DENND1A: variants seen among roughly 807,000 people sequenced by gnomAD.
DENND1A encodes the protein DENN domain-containing protein 1A.
DENND1A carries 51 observed loss-of-function variants against 113.7 expected under a neutral mutation model. The observed-to-expected ratio is 0.45, with a 90% CI of 0.36 to 0.57. The LOEUF (loss-of-function observed/expected upper bound fraction) is 0.57, where lower values mean the gene tolerates loss of function less well. DENND1A is among the 20% of genes least tolerant of loss of function. The probability of loss-of-function intolerance (pLI) is 0.00; values close to 1 mark genes in which losing one functional copy is unlikely to be tolerated. For synonymous variants in DENND1A, 565 were observed against 570.8 expected (o/e 0.99, Z 0.14); for missense variants, 1,258 against 1,395.9 (o/e 0.90, Z 1.57).
At chr9:123,902,804 T>A (rs1588156565) in intron 1 of DENND1A, among the ~76,000 whole-genome samples, 1 of 138,098 alleles carries the variant, frequency 7.2e-6, no homozygotes, top group Non-Finnish European at 1.5e-5. Flanking sequence ...TAACAACAGC[T>A]GTTTTTTTTT....
chr9:123,464,832 T>G (rs1335923578), intron 13 of DENND1A, among the ~76,000 whole-genome samples: 4 of 151,828 alleles, frequency 2.6e-5, no homozygotes, highest in Non-Finnish European at 5.9e-5. Context: ...TGACTTTGTA[T>G]AAGTTTGAAA....
At chr9:123,514,109 T>C (rs1006348600) in intron 13 of DENND1A, among the ~76,000 whole-genome samples, 1 of 54,106 alleles carries the variant, frequency 1.8e-5, no homozygotes, top group African/African-American at 4.1e-5. Context: ...TGTGTGTGTG[T>C]CTGTGTGTGT....
chr9:123,832,533 G>A (rs1283712519), intron 2 of DENND1A, among the ~76,000 whole-genome samples: 1 of 152,078 alleles, frequency 6.6e-6, no homozygotes, highest in African/African-American at 2.4e-5. Context: ...AACAAAAGTG[G>A]GAGTATACAA....
intron 13 of DENND1A, among the ~76,000 whole-genome samples, chr9:123,515,862 T>C (rs2053848250): frequency 6.6e-6 from 1 of 151,332 alleles, no homozygotes; most frequent in South Asian, 2.1e-4. Context: ...AGCCCAGGAG[T>C]TTGAGGCCAG....
At chr9:123,551,337 C>T (rs2057032598) in intron 13 of DENND1A, among the ~76,000 whole-genome samples, 1 of 152,228 alleles carries the variant, frequency 6.6e-6, no homozygotes, top group Non-Finnish European at 1.5e-5. Context: ...TCCCTAATTT[C>T]CTTCACCCAT....
intron 18 of DENND1A, among the ~76,000 whole-genome samples, chr9:123,442,581 G>A (rs1372456599): frequency 3.3e-5 from 5 of 152,002 alleles, no homozygotes; most frequent in African/African-American, 1.2e-4. Flanking sequence ...GTGGGTGTGT[G>A]TGCCTGTTTG....
At chr9:123,698,041 G>A (rs1000111561) in intron 5 of DENND1A, among the ~76,000 whole-genome samples, 2 of 152,138 alleles carry the variant, frequency 1.3e-5, no homozygotes, top group African/African-American at 4.8e-5. Context: ...TAAGGACCGA[G>A]AAGATTTAAC....
chr9:123,532,822 G>A (rs1021569663), intron 13 of DENND1A, among the ~76,000 whole-genome samples: 1 of 152,312 alleles, frequency 6.6e-6, no homozygotes, highest in African/African-American at 2.4e-5. Flanking sequence ...TCACCAGACA[G>A]TTGTTTTTAG....
intron 1 of DENND1A, among the ~76,000 whole-genome samples, chr9:123,924,239 G>C (rs1346858163): frequency 2.0e-5 from 3 of 152,214 alleles, no homozygotes; most frequent in Non-Finnish European, 2.9e-5. Context: ...GTAGATTAGT[G>C]ATTGCCTAGG....
At chr9:123,517,033 G>GA (rs981441659) in intron 13 of DENND1A, among the ~76,000 whole-genome samples, 2 of 151,484 alleles carry the variant, frequency 1.3e-5, no homozygotes, top group Non-Finnish European at 2.9e-5. Context: ...TTAGTTTAAG[G>GA]AAAAACTCTA....
intron 5 of DENND1A, among the ~76,000 whole-genome samples, chr9:123,744,723 T>C (rs1484211667): frequency 6.6e-6 from 1 of 151,740 alleles, no homozygotes; most frequent in Non-Finnish European, 1.5e-5. Flanking sequence ...TGTGATGTGG[T>C]GAGATGTCCA....
chr9:123,385,505 C>T (rs530462639), intron 22 of DENND1A, among the ~76,000 whole-genome samples: 2 of 152,298 alleles, frequency 1.3e-5, no homozygotes, highest in Admixed American at 6.5e-5. Context: ...CTGGTGGTGG[C>T]CCTACGTCAG....
chr9:123,921,107 G>GT (rs1299909138), intron 1 of DENND1A, among the ~76,000 whole-genome samples: 1 of 152,088 alleles, frequency 6.6e-6, no homozygotes, highest in African/African-American at 2.4e-5. Context: ...AAAAAAAACT[G>GT]TAATACTATA....
intron 19 of DENND1A, chr9:123,413,497 C>G (rs2044473039): frequency 1.0e-6 from 1 of 985,410 alleles, no homozygotes; most frequent in Non-Finnish European, 1.2e-6. Context: ...TGAACCTGCC[C>G]CACTACTCCT....
At chr9:123,450,823 C>G in intron 17 of DENND1A, 74 bp from the exon 18 acceptor site, 1 of 1,205,040 alleles carries the variant, frequency 8.3e-7, no homozygotes, top group Non-Finnish European at 1.2e-6. Context: ...TTCAGTCCAT[C>G]GAGAATCACC....
intron 18 of DENND1A, among the ~76,000 whole-genome samples, chr9:123,444,662 A>G (rs1236504777): frequency 2.6e-5 from 4 of 152,136 alleles, no homozygotes; most frequent in African/African-American, 7.2e-5. Context: ...AAACAAAATA[A>G]AATAAAGACA....
chr9:123,627,176 C>T (rs2061261863), intron 10 of DENND1A, among the ~76,000 whole-genome samples: 1 of 152,164 alleles, frequency 6.6e-6, no homozygotes, highest in Non-Finnish European at 1.5e-5. Flanking sequence ...TCTGCAAAGG[C>T]TCTCAGACTT....
chr9:123,888,120 G>A (rs1159348907), intron 1 of DENND1A, among the ~76,000 whole-genome samples: 1 of 152,126 alleles, frequency 6.6e-6, no homozygotes, highest in East Asian at 1.9e-4. Flanking sequence ...GGGCTCCTAG[G>A]AGAAATAGCT....
At chr9:123,608,171 G>C (rs998830408) in intron 11 of DENND1A, among the ~76,000 whole-genome samples, 8 of 152,130 alleles carry the variant, frequency 5.3e-5, no homozygotes, top group African/African-American at 1.9e-4. Flanking sequence ...CAGAATGTAG[G>C]AGCCACATGG....
Sources: gnomAD v4.1 joint callset for allele counts (sites outside exome capture counted in the v4.1 genomes callset) on GRCh38, gnomAD v4.1.1 for gene constraint, MANE v1.5 for transcripts, NCBI Gene and HGNC (gene_info 2026-07-23, HGNC 2026-07-21) for gene names.